Variants in RC3H1 observed in about 807,000 individuals in gnomAD.
RC3H1 encodes the protein ring finger and CCCH-type domains 1, also known as roquin-1.
A neutral mutation model predicts 138.2 loss-of-function variants in RC3H1; 50 were observed. The observed-to-expected ratio is 0.36, with a 90% CI of 0.29 to 0.46. RC3H1 has a LOEUF of 0.46. RC3H1 is among the 20% of genes least tolerant of loss of function. The probability of loss-of-function intolerance (pLI) is 1.00; values close to 1 mark genes in which losing one functional copy is unlikely to be tolerated. For missense variants in RC3H1, 1,031 were observed against 1,388.1 expected (o/e 0.74, Z 4.09); for synonymous variants, 462 against 489.1 (o/e 0.94, Z 0.73).
At chr1:173,953,817 C>A (rs1176580039) in intron 13 of RC3H1, among the ~76,000 whole-genome samples, 1 of 151,846 alleles carries the variant, frequency 6.6e-6, no homozygotes, top group Non-Finnish European at 1.5e-5. Context: ...GGCGGGCAGA[C>A]CACCTGAGGT....
At position 173,962,001 on chromosome 1, in the gene RC3H1, A is replaced by G. The variant is rs1659906308; in HGVS notation, c.1926T>C (p.Tyr642=). ...CAACACGTTCTTGGAGGTAGGGTGG[A>G]TAATGATCCAAGTAGGGAGGAGCAG... ...PEPAPPYLDH[Y]PPYLQERVVN... Residue 642 remains tyrosine, a synonymous_variant, in exon 12 of 20, where the codon TAT becomes TAC. Coordinates refer to ENST00000367696, the MANE Select transcript of RC3H1 (RefSeq NM_172071.4). The G allele has an allele frequency of 6.2e-7, 1 of 1,614,112 alleles. No homozygotes were observed. Among genetic ancestry groups the G allele is most frequent in the Admixed American group, 1.7e-5 (1 of 60,004 alleles).
intron 9 of RC3H1, among the ~76,000 whole-genome samples, chr1:173,968,856 A>ATTTTT (rs370550482): frequency 3.9e-5 from 5 of 128,088 alleles, no homozygotes; most frequent in African/African-American, 6.0e-5. Context: ...AGGAATTTTG[A>ATTTTT]TTTTTTTTTT....
At chr1:173,995,338 A>G (rs1405827155) in intron 1 of RC3H1, among the ~76,000 whole-genome samples, 1 of 152,014 alleles carries the variant, frequency 6.6e-6, no homozygotes, top group East Asian at 1.9e-4. Flanking sequence ...GTTTGAGACC[A>G]GCCTGACCAA....
rs1306861457 is a variant in RC3H1, at chr1:173,934,839, A to G, written c.*3882T>C. The G allele has an allele frequency of 6.6e-6, 1 of 152,198 alleles. No individual in the cohort carries two copies. Among genetic ancestry groups the G allele is most frequent in the Non-Finnish European group, 1.5e-5 (1 of 68,032 alleles). 9.4% of individuals were successfully genotyped at this position (152,198 alleles called of 1,614,324 possible). On this transcript the variant is annotated 3_prime_UTR_variant, in exon 20 of 20. Coordinates refer to ENST00000367696, the MANE Select transcript of RC3H1 (RefSeq NM_172071.4). The stretch of plus-strand genomic sequence containing the variant: ...AAGGTCAAGAAAAAAAAAGACATAT[A>G]TGGAAAAATGTAAACTTTGAGCTCC...
chr1:174,009,160 G>C (rs1259418928), intron 1 of RC3H1: 1 of 152,038 alleles, frequency 6.6e-6, no homozygotes, highest in Non-Finnish European at 1.5e-5. Flanking sequence ...ATGTTATAGG[G>C]AAGAGGAAAT....
chr1:173,972,148 T>C (rs1463956017), intron 8 of RC3H1, among the ~76,000 whole-genome samples: 1 of 152,192 alleles, frequency 6.6e-6, no homozygotes, highest in Non-Finnish European at 1.5e-5. Context: ...GTGATACTTA[T>C]TGTCAAACCA....
chr1:173,980,193 A>G (rs536017009), intron 6 of RC3H1, among the ~76,000 whole-genome samples: 12 of 151,568 alleles, frequency 7.9e-5, no homozygotes, highest in Non-Finnish European at 1.3e-4. Context: ...CAAGCATTTA[A>G]AAAACATATT....
intron 6 of RC3H1, among the ~76,000 whole-genome samples, chr1:173,979,847 G>C (rs1571216899): frequency 2.0e-5 from 3 of 152,122 alleles, no homozygotes; most frequent in Admixed American, 2.0e-4. Flanking sequence ...AAGACTTATA[G>C]AGCAGAGCAA....
intron 13 of RC3H1, among the ~76,000 whole-genome samples, chr1:173,957,994 T>C (rs1251054094): frequency 6.6e-6 from 1 of 152,226 alleles, no homozygotes; most frequent in Non-Finnish European, 1.5e-5. Context: ...TTCTATTTAG[T>C]AGACTTCCTT....
chr1:173,941,522 A>G (rs1407831465), intron 18 of RC3H1, 142 bp from the exon 19 acceptor site: 5 of 592,424 alleles, frequency 8.4e-6, no homozygotes, highest in Non-Finnish European at 1.2e-5. Flanking sequence ...GCAGACTAAA[A>G]GAGTGACATA....
chr1:173,941,223 G>A (rs772689999), intron 19 of RC3H1, 42 bp downstream of exon 19: 1 of 1,125,580 alleles, frequency 8.9e-7, no homozygotes, highest in South Asian at 1.3e-5. Context: ...TTTCTCTTTT[G>A]TGTGTAATTT....
chr1:173,980,791 G>C lies in RC3H1; in HGVS notation c.969+18C>G. 6.3e-7 allele frequency: 1 copy of C among 1,596,074 alleles called. No individual in the cohort carries two copies. The highest frequency in any genetic ancestry group is 1.1e-5 in the South Asian group (1 of 89,954). On this transcript the variant is annotated intron_variant, in intron 6 of 19. Coordinates refer to ENST00000367696, the MANE Select transcript of RC3H1 (RefSeq NM_172071.4). Reference sequence around the variant, plus strand: ...TGCCAAGATTAGTCTAAGAAGTAAGGAACAAAAAAGGTCCTACCTTGTCAA... The same window carrying C: ...TGCCAAGATTAGTCTAAGAAGTAAGCAACAAAAAAGGTCCTACCTTGTCAA...
chr1:173,978,799 C>A (rs1023467419), intron 6 of RC3H1, among the ~76,000 whole-genome samples, 179 bp from the exon 7 acceptor site: 3 of 152,174 alleles, frequency 2.0e-5, no homozygotes, highest in Non-Finnish European at 4.4e-5. Context: ...TTCTCTGCAT[C>A]CAGAGCTTGG....
rs80047807 is a variant in RC3H1, at chr1:173,938,980, A to T, written c.3252-109T>A. The T allele has an allele frequency of 0.019, 15,899 of 820,162 alleles. 1,869 individuals carry two copies. The African/African-American group carries it at 0.25, about 13-fold the overall frequency. 50.8% of individuals were successfully genotyped at this position (820,162 alleles called of 1,614,324 possible). Reference sequence around the variant, plus strand: ...GATTGAAAATATATAAATGGCTTCCACATTTTAATCTACAGCCCCTTATCC... The same window carrying T: ...GATTGAAAATATATAAATGGCTTCCTCATTTTAATCTACAGCCCCTTATCC... On this transcript the variant is annotated intron_variant, in intron 19 of 19. Transcript: ENST00000367696.
intron 9 of RC3H1, among the ~76,000 whole-genome samples, chr1:173,966,909 A>T (rs1324177910): frequency 6.6e-6 from 1 of 152,112 alleles, no homozygotes; most frequent in African/African-American, 2.4e-5. Context: ...TTATATTCAT[A>T]TAAGATTATT....
In RC3H1 at chr1:174,021,994, G is replaced by A. The variant is rs562477947; in HGVS notation, c.-151+102C>T. On this transcript the variant is annotated intron_variant, in intron 1 of 19. Transcript: ENST00000367696. ...CGCTGCCGCGGAGGAGCAGAGGGCG[G>A]GCGAGGACAAACCCTTCCCGACCAC... 5.2e-5 allele frequency: 20 copies of A among 383,238 alleles called. No individual in the cohort carries two copies. In the South Asian group the frequency reaches 2.7e-3, roughly 52 times the overall value. The allele number at this position is 383,238 out of a possible 1,614,324, so 23.7% of individuals were successfully genotyped here. A position where few individuals can be genotyped will look rare whatever the true frequency, so the allele number is the denominator to read the frequency against.
At chr1:173,989,710 GTTTTTTTTT>G (rs372808172) in intron 2 of RC3H1, among the ~76,000 whole-genome samples, 1 of 103,224 alleles carries the variant, frequency 9.7e-6, no homozygotes, top group Non-Finnish European at 1.9e-5. Context: ...GTTTATTCAA[GTTTTTTTTT>G]TTTTTTTTTT....
At chr1:173,949,937 A>G (rs1026602419) in intron 14 of RC3H1, among the ~76,000 whole-genome samples, 3 of 151,980 alleles carry the variant, frequency 2.0e-5, no homozygotes, top group African/African-American at 4.8e-5. Context: ...GAGGCCGAGG[A>G]GGGCAGAGCA....
At chr1:173,999,994 T>C (rs1571238362) in intron 1 of RC3H1, among the ~76,000 whole-genome samples, 1 of 152,218 alleles carries the variant, frequency 6.6e-6, no homozygotes, top group African/African-American at 2.4e-5. Context: ...TAAAAGTTTA[T>C]AGTAATTATG....
Sources: gnomAD v4.1 joint callset for allele counts (sites outside exome capture counted in the v4.1 genomes callset) on GRCh38, gnomAD v4.1.1 for gene constraint, MANE v1.5 for transcripts, NCBI Gene and HGNC (gene_info 2026-07-23, HGNC 2026-07-21) for gene names.